FAT2: variants seen among roughly 807,000 people sequenced by gnomAD.
The protein encoded by FAT2 is FAT atypical cadherin 2, also known as protocadherin Fat 2.
Under a neutral mutation model 295.3 loss-of-function variants are expected in FAT2, and 150 were observed. The observed-to-expected ratio is 0.51, with a 90% CI of 0.44 to 0.58. FAT2 has a LOEUF of 0.58. FAT2 is among the 20% of genes least tolerant of loss of function. FAT2 has a pLI of 0.00. For synonymous variants in FAT2, 2,026 were observed against 2,150.3 expected (o/e 0.94, Z 1.60); for missense variants, 4,868 against 5,442.7 (o/e 0.89, Z 3.32).
At chr5:151,593,926 C>A (rs1056353583), upstream of FAT2, among the ~76,000 whole-genome samples, 1 of 152,038 alleles carries the variant, frequency 6.6e-6, no homozygotes, top group Admixed American at 6.6e-5. Flanking sequence ...TCGCTTGAAC[C>A]CGGGAGGTGG....
chr5:151,518,597 G>T (rs1286767884), intron 19 of FAT2, among the ~76,000 whole-genome samples: 1 of 152,144 alleles, frequency 6.6e-6, no homozygotes. Context: ...ACAATAAAAT[G>T]CGGCTGAGAG....
chr5:151,545,373 G>A lies in FAT2; in HGVS notation c.5754C>T (p.Ile1918=), dbSNP rs756910883. ...KTGNADEAVT[I]HPVTGSISVL... ...CAGATATGCTACCAGTGACAGGATG[G>A]ATGGTAACAGCTTCATCAGCATTGC... The change falls in exon 10 of 24, where the codon ATC becomes ATT. Residue 1918 remains isoleucine (I), a synonymous_variant. Transcript: ENST00000261800. The A allele has an allele frequency of 2.5e-6, 4 of 1,614,178 alleles. No individual in the cohort carries two copies. Among genetic ancestry groups the A allele is most frequent in the Non-Finnish European group, 3.4e-6 (4 of 1,180,028 alleles).
Position 151,529,440 on chromosome 5 carries a change from A to C in FAT2, c.9812-48T>G, listed in dbSNP as rs1458793634. On this transcript the variant is annotated intron_variant, in intron 14 of 23. Transcript: ENST00000261800. ...CAGCAATGAGGCAGTTGGGCCCTCAAAGGCGCAGGACTGAGGGTCTGAGCC... is the reference window on the plus strand; with the variant it reads ...CAGCAATGAGGCAGTTGGGCCCTCACAGGCGCAGGACTGAGGGTCTGAGCC... 1.2e-5 allele frequency: 18 copies of C among 1,547,882 alleles called. No homozygotes were observed. The East Asian group carries it at 3.8e-4, about 33-fold the overall frequency.
intron 23 of FAT2, among the ~76,000 whole-genome samples, chr5:151,506,309 A>G (rs960981306): frequency 2.0e-5 from 3 of 152,226 alleles, no homozygotes; most frequent in African/African-American, 7.2e-5. Context: ...AGGCCAGCCC[A>G]TCTTGCAAAT....
chr5:151,527,413 G>GTAGCTGTCCCTCACTTCT, intron 16 of FAT2, 36 bp from the exon 17 acceptor site: 2 of 1,546,980 alleles, frequency 1.3e-6, no homozygotes, highest in Non-Finnish European at 1.8e-6. Flanking sequence ...TAGCAATGAG[G>GTAGCTGTCCCTCACTTCT]TAGCTGTCCC....
At chr5:151,569,592 G>C (rs541279885) in intron 1 of FAT2, among the ~76,000 whole-genome samples, 1 of 152,154 alleles carries the variant, frequency 6.6e-6, no homozygotes, top group Non-Finnish European at 1.5e-5. Context: ...GAGAAACCCC[G>C]TGGCTGAAGA....
intron 11 of FAT2, 110 bp from the exon 12 acceptor site, chr5:151,538,056 A>G: frequency 2.3e-6 from 2 of 883,644 alleles, no homozygotes; most frequent in Non-Finnish European, 3.4e-6. Context: ...AGACACTAAG[A>G]GGGCAGAGAC....
rs1378580309 is a variant in FAT2 at position 151,566,935 on chromosome 5, A to G, written c.1997T>C (p.Val666Ala). 2 of 1,613,952 alleles carry G rather than the reference A, an allele frequency of 1.2e-6. No homozygotes were observed. The highest frequency in any genetic ancestry group is 1.7e-5 in the Admixed American group (1 of 60,010). ...CCCTGTTTTATCACATGTTACAGGA[A>G]CTTCAAAATGAGGGTCCTTCACCAC... is the stretch of plus-strand genomic sequence containing the variant. ...ITVVKDPHFE[V>A]PVTCDKTGVL... Residue 666 changes from valine (V) to alanine (A), a missense_variant, in exon 2 of 24, where the codon GTT (valine) becomes GCT (alanine). By Grantham distance (64) the Val-to-Ala change is moderately conservative. Transcript: ENST00000261800.
Position 151,527,976 on chromosome 5 carries a change from G to A in FAT2, c.10164+20C>T, listed in dbSNP as rs762079272. 12 of 1,612,590 alleles carry A rather than the reference G, an allele frequency of 7.4e-6. No homozygotes were observed. The East Asian group carries it at 1.1e-4, about 15-fold the overall frequency. On this transcript the variant is annotated intron_variant, in intron 16 of 23. Transcript: ENST00000261800. ...CTCTGCTCTAATGAGCTCAGGGTGC[G>A]CCCCTCCCACATGACTCACCTGTTC...
rs1335360002 is a variant in FAT2 at position 151,537,831 on chromosome 5, C to A, written c.9155G>T (p.Gly3052Val). 10 of 1,613,968 alleles carry A rather than the reference C, an allele frequency of 6.2e-6. No homozygotes were observed. Among genetic ancestry groups the A allele is most frequent in the Non-Finnish European group, 8.5e-6 (10 of 1,179,898 alleles). ...TNAQITYSLH[G>V]PGAHEFKLDP... ...CAGCTTGAATTCATGCGCCCCAGGG[C>A]CATGCAGAGAATATGTGATCTGAGC... is the stretch of plus-strand genomic sequence containing the variant. The change falls in exon 12 of 24, where the codon GGC (glycine) becomes GTC (valine). Residue 3052 changes from glycine (G) to valine (V), a missense_variant. Gly to Val is a moderately radical substitution (Grantham distance 109). Transcript: ENST00000261800.
chr5:151,504,311 C>T lies in FAT2; in HGVS notation c.*1254G>A, dbSNP rs3734045. On this transcript the variant is annotated 3_prime_UTR_variant, in exon 24 of 24. Coordinates refer to ENST00000261800, the MANE Select transcript of FAT2 (RefSeq NM_001447.3). The stretch of plus-strand genomic sequence containing the variant: ...TCCAGAAACAACACATATGAAAAGG[C>T]AGTGGACCAGAGGGAGGGACTGGGT... The T allele has an allele frequency of 9.9e-3, 1,505 of 152,452 alleles. 59 individuals are homozygous for T. In the East Asian group the frequency reaches 0.13, roughly 13 times the overall value. 9.4% of individuals were successfully genotyped at this position (152,452 alleles called of 1,614,324 possible).
chr5:151,546,634 AAC>A (rs1030974391), intron 9 of FAT2, among the ~76,000 whole-genome samples: 8 of 152,334 alleles, frequency 5.3e-5, no homozygotes, highest in African/African-American at 1.9e-4. Context: ...TCCATAGGAA[AAC>A]ACACTCCACC....
In FAT2 at chr5:151,565,796, G is replaced by A. The variant is rs1758228485; in HGVS notation, c.3136C>T (p.Pro1046Ser). 5 of 1,613,934 alleles carry A rather than the reference G, an allele frequency of 3.1e-6. No individual in the cohort carries two copies. Among genetic ancestry groups the A allele is most frequent in the Non-Finnish European group, 3.4e-6 (4 of 1,180,010 alleles). ...ACTACAATCACCTGAGTTCCCGAGG[G>A]GCTGTTCTCCTGCACCTGGCCCTGG... ...VHQGQVQENS[P>S]SGTQVIVVAA... Residue 1046 changes from proline (P) to serine (S), a missense_variant, in exon 2 of 24, where the codon CCC becomes TCC. Around this residue, in one of 5 missense-constraint regions of FAT2, gnomAD observed 3,297 missense variants for 3,669.4 expected, o/e 0.90. Coordinates refer to ENST00000261800, the MANE Select transcript of FAT2 (RefSeq NM_001447.3).
intron 1 of FAT2, among the ~76,000 whole-genome samples, chr5:151,576,482 C>T (rs892784543): frequency 6.6e-6 from 1 of 152,170 alleles, no homozygotes; most frequent in Non-Finnish European, 1.5e-5. Flanking sequence ...ATGAGGACTA[C>T]TGTAGAAAGT....
chr5:151,514,916 C>G (rs1752692842), intron 20 of FAT2, among the ~76,000 whole-genome samples: 1 of 152,232 alleles, frequency 6.6e-6, no homozygotes, highest in Admixed American at 6.5e-5. Context: ...ACAGCATACA[C>G]ACATGGTGTT....
intron 1 of FAT2, among the ~76,000 whole-genome samples, chr5:151,588,064 C>T (rs564499078): frequency 3.9e-5 from 6 of 152,206 alleles, no homozygotes; most frequent in Non-Finnish European, 5.9e-5. Flanking sequence ...AAGGGTTCTT[C>T]GAGTTGTACA....
chr5:151,564,916 T>C (rs908983521), intron 2 of FAT2, among the ~76,000 whole-genome samples: 1 of 151,726 alleles, frequency 6.6e-6, no homozygotes, highest in African/African-American at 2.4e-5. Context: ...CTACTAAAAA[T>C]ACAAAAGTTA....
rs202023161 is a variant in FAT2 at position 151,563,462 on chromosome 5, A to T, written c.3437T>A (p.Ile1146Asn). 2 of 1,614,070 alleles carry T rather than the reference A, an allele frequency of 1.2e-6. No individual in the cohort carries two copies. The highest frequency in any genetic ancestry group is 1.7e-6 in the Non-Finnish European group (2 of 1,180,046). Residue 1146 changes from isoleucine to asparagine, a missense_variant, in exon 3 of 24, where the codon ATC becomes AAC. Physicochemically the swap from Ile to Asn is moderately radical, Grantham distance 149. Around this residue, in one of 5 missense-constraint regions of FAT2, gnomAD observed 3,297 missense variants for 3,669.4 expected, o/e 0.90. Coordinates refer to ENST00000261800, the MANE Select transcript of FAT2 (RefSeq NM_001447.3). The stretch of plus-strand genomic sequence containing the variant: ...GGTGCCCACGGGAGCATCCTCCTGG[A>T]TGGAGGGGTAGAACACAGCTTGGGA... The part of the protein sequence containing the change: ...QMSQAVFYPS[I>N]QEDAPVGTSV...
Position 151,545,975 on chromosome 5 carries a change from A to G in FAT2, c.5152T>C (p.Leu1718=). 6.2e-7 allele frequency: 1 copy of G among 1,614,152 alleles called. No individual in the cohort carries two copies. The highest frequency in any genetic ancestry group is 8.5e-7 in the Non-Finnish European group (1 of 1,180,032). The part of the protein sequence containing the change: ...YSGLISTQKK[L]DHEKISSYQL... ...TAAGACGAGATTTTCTCATGGTCCAATTTCTTCTGGGTGGAAATAAGGCCA... is the reference window on the plus strand; with the variant it reads ...TAAGACGAGATTTTCTCATGGTCCAGTTTCTTCTGGGTGGAAATAAGGCCA... Residue 1718 remains leucine (L), a synonymous_variant, in exon 10 of 24, where the codon TTG becomes CTG. Transcript: ENST00000261800.
Sources: gnomAD v4.1 joint callset for allele counts (sites outside exome capture counted in the v4.1 genomes callset) on GRCh38, gnomAD v4.1.1 for gene constraint, gnomAD v4.1.1 regional missense constraint, MANE v1.5 for transcripts, NCBI Gene and HGNC (gene_info 2026-07-23, HGNC 2026-07-21) for gene names.